The following BCO2 variants were observed in gnomAD, a reference collection of about 807,000 sequenced individuals.
BCO2 encodes the protein beta-carotene oxygenase 2.
In BCO2, 56 loss-of-function variants were observed where a neutral mutation model predicts 65.8. The observed-to-expected ratio is 0.85, with a 90% confidence interval of 0.69 to 1.06. The LOEUF (loss-of-function observed/expected upper bound fraction) is 1.06, where lower values mean the gene tolerates loss of function less well. BCO2 is among the 50% of genes least tolerant of loss of function. The pLI is 0.00. For synonymous variants in BCO2, 233 were observed against 242.3 expected (o/e 0.96, Z 0.36); for missense variants, 675 against 698.5 (o/e 0.97, Z 0.38).
intron 10 of BCO2, chr11:112,215,878 G>C (rs568563978): frequency 3.4e-4 from 75 of 222,878 alleles, no homozygotes; most frequent in African/African-American, 1.5e-3. Context: ...AAGGCAAAGA[G>C]GGAGCCTCAT....
intron 1 of BCO2, among the ~76,000 whole-genome samples, chr11:112,178,833 A>G (rs1021233455): frequency 2.0e-5 from 3 of 152,240 alleles, no homozygotes; most frequent in Admixed American, 2.0e-4. Flanking sequence ...ACATTCTGGT[A>G]TATCTAAATT....
chr11:112,212,299 C>A (rs1859533055), intron 8 of BCO2, among the ~76,000 whole-genome samples: 1 of 152,118 alleles, frequency 6.6e-6, no homozygotes, highest in African/African-American at 2.4e-5. Flanking sequence ...TGGGAGTTCC[C>A]AGGATCACCC....
At chr11:112,181,946 C>G in intron 2 of BCO2, 1 of 578,644 alleles carries the variant, frequency 1.7e-6, no homozygotes, top group Non-Finnish European at 3.2e-6. Context: ...TTTTTGCAAT[C>G]TACCCATCTG....
chr11:112,186,339 G>A (rs577566413), intron 2 of BCO2, among the ~76,000 whole-genome samples: 7 of 152,358 alleles, frequency 4.6e-5, no homozygotes, highest in Admixed American at 2.6e-4. Flanking sequence ...GCCCTCACAA[G>A]TGTCTACTTT....
intron 2 of BCO2, among the ~76,000 whole-genome samples, chr11:112,180,213 G>C (rs770145972): frequency 1.3e-5 from 2 of 152,040 alleles, no homozygotes; most frequent in African/African-American, 4.8e-5. Context: ...ATTTGTCTTA[G>C]TACTCAGCAA....
chr11:112,208,967 T>C (rs1039370333), intron 8 of BCO2: 1 of 153,360 alleles, frequency 6.5e-6, no homozygotes, highest in African/African-American at 2.4e-5. Context: ...CAAAAAAAAA[T>C]AGACTGTTTT....
rs1566804517 is a variant in BCO2 at position 112,216,282 on chromosome 11, TGAA to T, written c.1584_1586del (p.Glu528del). Reference sequence around the variant, plus strand: ...TTTTTGTTCCAGCACCAGGAACCAATGAAGAAGATGGTGGGGTTATTCTTTCTG... The same window carrying T: ...TTTTTGTTCCAGCACCAGGAACCAATGAAGATGGTGGGGTTATTCTTTCTG... On this transcript the variant is annotated inframe_deletion, in exon 11 of 12. Transcript: ENST00000357685. The T allele has an allele frequency of 1.2e-6, 2 of 1,614,174 alleles. No homozygotes were observed. The highest frequency in any genetic ancestry group is 2.2e-5 in the East Asian group (1 of 44,876).
At chr11:112,182,022 C>T (rs1167794495) in intron 2 of BCO2, 2 of 398,994 alleles carry the variant, frequency 5.0e-6, no homozygotes, top group African/African-American at 2.1e-5. Context: ...AATCAAACAA[C>T]CCCATCAAAA....
chr11:112,189,490 C>A (rs1416781221), intron 2 of BCO2, among the ~76,000 whole-genome samples: 1 of 151,528 alleles, frequency 6.6e-6, no homozygotes, highest in African/African-American at 2.4e-5. Context: ...ACTGCAAGCT[C>A]CACCTCCCGG....
At chr11:112,180,883 A>T in intron 2 of BCO2, 1 of 1,088,822 alleles carries the variant, frequency 9.2e-7, no homozygotes, top group Admixed American at 1.7e-5. Context: ...AACTCGGCAT[A>T]AAAGCCACCA....
At chr11:112,179,962 A>G (rs1410815866) in intron 2 of BCO2, 1 of 161,164 alleles carries the variant, frequency 6.2e-6, no homozygotes, top group Non-Finnish European at 1.4e-5. Context: ...CTCAAATCTC[A>G]TGTCCTTTGA....
At chr11:112,191,695 A>G (rs575257582) in intron 2 of BCO2, among the ~76,000 whole-genome samples, 5 of 152,284 alleles carry the variant, frequency 3.3e-5, no homozygotes, top group African/African-American at 1.2e-4. Context: ...AGAGGGAGCA[A>G]CTAGCCCTAC....
At chr11:112,180,550 C>A (rs1014153568) in intron 2 of BCO2, among the ~76,000 whole-genome samples, 5 of 152,056 alleles carry the variant, frequency 3.3e-5, no homozygotes, top group Non-Finnish European at 5.9e-5. Context: ...AATGAAAAAC[C>A]CAGGCAGGCT....
intron 8 of BCO2, among the ~76,000 whole-genome samples, chr11:112,203,885 C>A (rs1177733599): frequency 1.3e-5 from 2 of 151,676 alleles, no homozygotes; most frequent in Non-Finnish European, 2.9e-5. Context: ...GACGGAGTCT[C>A]ACTCTGCCAC....
At chr11:112,189,546 C>G (rs61899687) in intron 2 of BCO2, among the ~76,000 whole-genome samples, 19,509 of 151,846 alleles carry the variant, frequency 0.13, 1,462 homozygotes, top group East Asian at 0.39. Context: ...GCTGGGACTA[C>G]AGGCACCTGC....
intron 2 of BCO2, 79 bp downstream of exon 2, chr11:112,179,561 C>T (rs779782499): frequency 1.8e-5 from 22 of 1,245,346 alleles, no homozygotes; most frequent in Non-Finnish European, 2.4e-5. Context: ...TATCTGCTTC[C>T]TCTGTGAGGT....
At chr11:112,213,385 C>T (rs565532672) in intron 8 of BCO2, among the ~76,000 whole-genome samples, 38 of 151,980 alleles carry the variant, frequency 2.5e-4, no homozygotes, top group East Asian at 1.2e-3. Context: ...TCAGGTGATC[C>T]GCCTGCCTTG....
intron 2 of BCO2, 89 bp from the exon 3 acceptor site, chr11:112,193,385 T>G: frequency 8.2e-7 from 1 of 1,215,864 alleles, no homozygotes; most frequent in Non-Finnish European, 1.2e-6. Flanking sequence ...TTCCTTATCT[T>G]TATATTTGAA....
intron 2 of BCO2, among the ~76,000 whole-genome samples, chr11:112,182,706 G>C (rs548772306): frequency 6.6e-6 from 1 of 151,820 alleles, no homozygotes; most frequent in Non-Finnish European, 1.5e-5. Context: ...CCTGTCATGG[G>C]GTGGGGGGAG....
Sources: allele counts gnomAD v4.1 joint callset (sites outside exome capture counted in the v4.1 genomes callset), GRCh38; gene constraint gnomAD v4.1.1; transcripts MANE v1.5; gene names NCBI Gene and HGNC (gene_info 2026-07-23, HGNC 2026-07-21).